GABRG3: variants seen among roughly 807,000 people sequenced by gnomAD.
The protein encoded by GABRG3 is gamma-aminobutyric acid receptor subunit gamma-3.
In GABRG3, 25 loss-of-function variants were observed where a neutral mutation model predicts 48.8. That is an observed-to-expected ratio of 0.51 (90% confidence interval 0.37 to 0.72). The LOEUF (loss-of-function observed/expected upper bound fraction) is 0.72. Among genes scored for constraint, GABRG3 ranks in the 30% least tolerant of loss-of-function variants. The pLI, the probability that GABRG3 is intolerant of heterozygous loss-of-function variation, is 0.00. For synonymous variants in GABRG3, 227 were observed against 217.6 expected, an observed-to-expected ratio of 1.04 and a Z score of -0.38; for missense variants, 394 against 577.9, an observed-to-expected ratio of 0.68 and a Z score of 3.26.
intron 3 of GABRG3, among the ~76,000 whole-genome samples, chr15:27,273,157 A>G (rs1290191241): frequency 6.6e-6 from 1 of 152,226 alleles, no homozygotes; most frequent in African/African-American, 2.4e-5. Context: ...TCTAAGCCCA[A>G]AGTAGAATTG....
At chr15:27,069,535 T>G (rs1422616027) in intron 3 of GABRG3, among the ~76,000 whole-genome samples, 3 of 152,230 alleles carry the variant, frequency 2.0e-5, no homozygotes, top group Admixed American at 2.0e-4. Context: ...CCATCTCCTC[T>G]CTTTCGCTGT....
At chr15:26,982,285 T>C (rs1212492046) in intron 2 of GABRG3, among the ~76,000 whole-genome samples, 1 of 152,190 alleles carries the variant, frequency 6.6e-6, no homozygotes, top group Non-Finnish European at 1.5e-5. Context: ...ACTGGTTCCT[T>C]GCTCCTCTGG....
At chr15:27,507,439 G>A (rs975382306) in intron 6 of GABRG3, among the ~76,000 whole-genome samples, 1 of 152,132 alleles carries the variant, frequency 6.6e-6, no homozygotes, top group Non-Finnish European at 1.5e-5. Context: ...AGCAAGCAGA[G>A]GCTGCAGTGA....
Position 27,179,341 on chromosome 15 carries a change from C to T in GABRG3, c.271-147468C>T, listed in dbSNP as rs570213729. On this transcript the variant is annotated intron_variant, in intron 3 of 9. Coordinates refer to ENST00000615808, the MANE Select transcript of GABRG3 (RefSeq NM_033223.5). The surrounding 1 kb of genome is among the most constrained non-coding windows in gnomAD (Gnocchi z 4.0). ...GCCAATGCACTTTATCATATGTGTC[C>T]GTGAGAATAGCACATTAGCCACATT... Among the ~76,000 whole-genome samples the T allele has an allele frequency of 8.5e-4, 130 of 152,256 alleles. 1 individual carries two copies. Among genetic ancestry groups the T allele is most frequent in the African/African-American group, 2.5e-3 (102 of 41,556 alleles).
At chr15:27,487,101 C>T (rs990532728) in intron 6 of GABRG3, among the ~76,000 whole-genome samples, 4 of 152,094 alleles carry the variant, frequency 2.6e-5, no homozygotes, top group Non-Finnish European at 5.9e-5. Context: ...TCTTTGTTCA[C>T]AAGATTGAGT....
chr15:27,002,760 A>AAG (rs1555397358), intron 2 of GABRG3, among the ~76,000 whole-genome samples: 5 of 125,930 alleles, frequency 4.0e-5, no homozygotes, highest in Middle Eastern at 4.3e-3. Flanking sequence ...AAAAAAAAAA[A>AAG]AAAGGAAGGA....
At chr15:27,409,233 G>A (rs564502775) in intron 5 of GABRG3, among the ~76,000 whole-genome samples, 2 of 152,120 alleles carry the variant, frequency 1.3e-5, no homozygotes, top group Non-Finnish European at 2.9e-5. Context: ...AATAGTTATA[G>A]TTTTATATTT....
intron 3 of GABRG3, 89 bp downstream of exon 3, chr15:27,026,910 T>C (rs1335713556): frequency 1.1e-6 from 1 of 889,152 alleles, no homozygotes; most frequent in East Asian, 2.7e-5. Context: ...AGATTTATCA[T>C]GCCGGTTTAA....
At chr15:27,020,649 C>T (rs1467215963) in intron 2 of GABRG3, among the ~76,000 whole-genome samples, 2 of 152,014 alleles carry the variant, frequency 1.3e-5, no homozygotes, top group Admixed American at 6.5e-5. Flanking sequence ...GATCTCCCGA[C>T]CTCGTGATCC....
chr15:27,306,577 T>C (rs540684441), intron 3 of GABRG3, among the ~76,000 whole-genome samples: 2,182 of 45,842 alleles, frequency 0.048, 170 homozygotes, highest in African/African-American at 0.097. Context: ...TATATGTTTA[T>C]ATATAAACAT....
At chr15:27,493,060 T>A (rs1236638173) in intron 6 of GABRG3, among the ~76,000 whole-genome samples, 1 of 152,230 alleles carries the variant, frequency 6.6e-6, no homozygotes, top group East Asian at 1.9e-4. Flanking sequence ...ATCTCCATAA[T>A]GCTTTTCTTC....
At chr15:27,501,342 G>A (rs1462458591) in intron 6 of GABRG3, among the ~76,000 whole-genome samples, 2 of 152,152 alleles carry the variant, frequency 1.3e-5, no homozygotes, top group African/African-American at 2.4e-5. Context: ...CCACAGTGAT[G>A]TAACCAGAAC....
At chr15:27,378,571 G>GT (rs751965251) in intron 5 of GABRG3, among the ~76,000 whole-genome samples, 8 of 152,122 alleles carry the variant, frequency 5.3e-5, no homozygotes, top group Non-Finnish European at 8.8e-5. Context: ...AAATTTCATA[G>GT]TTTTGCAACG....
At chr15:27,356,011 T>G (rs952672197) in intron 5 of GABRG3, among the ~76,000 whole-genome samples, 4 of 151,904 alleles carry the variant, frequency 2.6e-5, no homozygotes, top group Admixed American at 2.0e-4. Flanking sequence ...TTTTTTGGAG[T>G]GATGGAAAAG....
intron 3 of GABRG3, among the ~76,000 whole-genome samples, chr15:27,289,861 A>G (rs1004605358): frequency 3.9e-5 from 6 of 152,196 alleles, no homozygotes; most frequent in African/African-American, 1.4e-4. Flanking sequence ...ATATGTGTAT[A>G]TACGTGGACT....
intron 5 of GABRG3, among the ~76,000 whole-genome samples, chr15:27,459,803 A>G (rs921251050): frequency 6.6e-6 from 1 of 152,216 alleles, no homozygotes; most frequent in Non-Finnish European, 1.5e-5. Flanking sequence ...AGACTGATAT[A>G]CATTTCCTTT....
chr15:27,389,471 C>T (rs913796432), intron 5 of GABRG3, among the ~76,000 whole-genome samples: 1 of 152,198 alleles, frequency 6.6e-6, no homozygotes, highest in South Asian at 2.1e-4. Context: ...AGCGCCACCA[C>T]TGTTATCTGC....
chr15:27,031,881 T>C (rs11856460), intron 3 of GABRG3, among the ~76,000 whole-genome samples: 37,020 of 152,172 alleles, frequency 0.24, 5,085 homozygotes, highest in East Asian at 0.55. Flanking sequence ...AGCACCGTGG[T>C]GCTCCTGACC....
chr15:27,068,242 C>G (rs1896771337), intron 3 of GABRG3, among the ~76,000 whole-genome samples: 1 of 152,230 alleles, frequency 6.6e-6, no homozygotes, highest in Non-Finnish European at 1.5e-5. Flanking sequence ...GGCTGCGAAG[C>G]ATAACCACTG....
Sources: gnomAD v4.1 joint callset for allele counts (sites outside exome capture counted in the v4.1 genomes callset) on GRCh38, gnomAD v4.1.1 for gene constraint, Gnocchi (gnomAD v3.1) non-coding constraint, MANE v1.5 for transcripts, NCBI Gene and HGNC (gene_info 2026-07-23, HGNC 2026-07-21) for gene names.